UNC13C: variants seen among roughly 807,000 people sequenced by gnomAD.
UNC13C encodes the protein unc-13 homolog C.
Under a neutral mutation model 245.4 loss-of-function variants are expected in UNC13C, and 174 were observed. The observed-to-expected ratio is 0.71, with a 90% confidence interval of 0.63 to 0.80. The LOEUF is 0.80. UNC13C is among the 30% of genes least tolerant of loss of function. The pLI, the probability that UNC13C is intolerant of heterozygous loss-of-function variation, is 0.00. For missense variants in UNC13C, 2,829 were observed against 2,602.9 expected (o/e 1.09, Z -1.89); for synonymous variants, 992 against 895.1 (o/e 1.11, Z -1.93).
the UNC13C span, among the ~76,000 whole-genome samples, chr15:53,933,392 T>C: frequency 6.6e-6 from 1 of 152,260 alleles, no homozygotes; most frequent in East Asian, 1.9e-4. Context: ...TGTCAACATG[T>C]ATTACCACAC....
intron 24 of UNC13C, among the ~76,000 whole-genome samples, chr15:54,517,344 G>C (rs1895024601): frequency 6.6e-6 from 1 of 152,084 alleles, no homozygotes; most frequent in Non-Finnish European, 1.5e-5. Flanking sequence ...AATTTGAAAA[G>C]TTCTTCGTAT....
the UNC13C span, among the ~76,000 whole-genome samples, chr15:53,951,128 A>T: frequency 6.6e-6 from 1 of 152,216 alleles, no homozygotes; most frequent in Non-Finnish European, 1.5e-5. Flanking sequence ...ACTTTTAAAA[A>T]TGATGATTTA....
chr15:53,862,439 G>T, the UNC13C span, among the ~76,000 whole-genome samples: 261 of 152,128 alleles, frequency 1.7e-3, 2 homozygotes, highest in African/African-American at 6.1e-3. Flanking sequence ...CTAGAGCCTG[G>T]GGTCTGGAAA....
chr15:54,501,111 T>A (rs1029766631), intron 22 of UNC13C, 133 bp downstream of exon 22: 69 of 847,436 alleles, frequency 8.1e-5, no homozygotes, highest in Non-Finnish European at 1.0e-4. Flanking sequence ...TAAATTCAGT[T>A]GTTTCCAGGA....
chr15:54,033,561 C>G (rs1206415871), intron 2 of UNC13C, among the ~76,000 whole-genome samples: 1 of 152,130 alleles, frequency 6.6e-6, no homozygotes, highest in Admixed American at 6.5e-5. Flanking sequence ...CCCAAGGATT[C>G]TGATTCAGTG....
At chr15:54,339,363 A>G (rs760603563) in intron 17 of UNC13C, among the ~76,000 whole-genome samples, 84 of 152,204 alleles carry the variant, frequency 5.5e-4, no homozygotes, top group Middle Eastern at 3.4e-3. Context: ...CGGTGCACCC[A>G]TCACCCAAGC....
the UNC13C span, among the ~76,000 whole-genome samples, chr15:53,889,765 G>C: frequency 8.5e-5 from 13 of 152,156 alleles, no homozygotes; most frequent in African/African-American, 3.1e-4. Flanking sequence ...TAGCATGAAG[G>C]GTGTTGAATT....
At chr15:54,265,535 A>G in intron 10 of UNC13C, 39 bp downstream of exon 10, 1 of 1,384,268 alleles carries the variant, frequency 7.2e-7, no homozygotes, top group Non-Finnish European at 9.6e-7. Flanking sequence ...ATATTAAATT[A>G]TTTAACAATG....
chr15:54,016,056 T>C lies in UNC13C; in HGVS notation c.2983+170T>C, dbSNP rs548487389. ...TACTCAGGCAGCTCTCCTAAGAAGT[T>C]GGGCTTGATGATTTAAAATCAAAGA... is the stretch of plus-strand genomic sequence containing the variant. On this transcript the variant is annotated intron_variant, in intron 2 of 32. Coordinates refer to ENST00000260323, the MANE Select transcript of UNC13C (RefSeq NM_001080534.3). Among the ~76,000 whole-genome samples the C allele has an allele frequency of 5.9e-5, 9 of 152,328 alleles. No homozygotes were observed. The South Asian group carries it at 1.9e-3, about 32-fold the overall frequency.
intron 4 of UNC13C, among the ~76,000 whole-genome samples, chr15:54,188,274 G>C (rs919789080): frequency 5.9e-5 from 9 of 152,088 alleles, no homozygotes; most frequent in Admixed American, 5.2e-4. Context: ...GCGTAAAAAG[G>C]TACACACTGA....
chr15:54,208,744 C>T (rs1161336607), intron 4 of UNC13C, among the ~76,000 whole-genome samples: 2 of 152,042 alleles, frequency 1.3e-5, no homozygotes, highest in African/African-American at 4.8e-5. Flanking sequence ...ATATAAGTCT[C>T]ATTGAAAAGA....
intron 4 of UNC13C, among the ~76,000 whole-genome samples, chr15:54,158,935 C>T (rs774777720): frequency 1.3e-5 from 2 of 152,218 alleles, no homozygotes; most frequent in Non-Finnish European, 2.9e-5. Context: ...CAGGCATGAG[C>T]CATCACACCC....
At chr15:54,161,057 T>G (rs1259218416) in intron 4 of UNC13C, among the ~76,000 whole-genome samples, 2 of 152,180 alleles carry the variant, frequency 1.3e-5, no homozygotes, top group Non-Finnish European at 1.5e-5. Context: ...TGATCTACAA[T>G]GAGTGGATTG....
intron 2 of UNC13C, among the ~76,000 whole-genome samples, chr15:54,089,242 G>C (rs1446258454): frequency 2.6e-5 from 4 of 152,142 alleles, no homozygotes. Flanking sequence ...CTAAAAGCAA[G>C]GTATGCCTAG....
At chr15:54,482,462 C>T (rs1437087088) in intron 19 of UNC13C, among the ~76,000 whole-genome samples, 1 of 152,240 alleles carries the variant, frequency 6.6e-6, no homozygotes, top group Non-Finnish European at 1.5e-5. Context: ...AATGTAGGAG[C>T]GGGCGGTGGG....
At chr15:54,044,573 G>T (rs1377365991) in intron 2 of UNC13C, 2 of 171,998 alleles carry the variant, frequency 1.2e-5, no homozygotes, top group East Asian at 1.7e-4. Flanking sequence ...GGGGGGTGTG[G>T]GGGAGTTCCA....
intron 2 of UNC13C, among the ~76,000 whole-genome samples, chr15:54,047,048 A>G (rs1897068835): frequency 6.6e-6 from 1 of 152,090 alleles, no homozygotes; most frequent in Non-Finnish European, 1.5e-5. Context: ...GGGTTCACAT[A>G]AGATTTTCTA....
intron 4 of UNC13C, among the ~76,000 whole-genome samples, chr15:54,222,643 T>C (rs536375903): frequency 1.3e-4 from 20 of 151,980 alleles, no homozygotes; most frequent in Non-Finnish European, 2.4e-4. Context: ...GGTAGTTCTA[T>C]TTTCAGTTTT....
the UNC13C span, among the ~76,000 whole-genome samples, chr15:53,959,084 A>G: frequency 6.6e-6 from 1 of 152,144 alleles, no homozygotes; most frequent in African/African-American, 2.4e-5. Context: ...CACTAACATA[A>G]TCACCTCCAG....
Sources: gnomAD v4.1 joint callset for allele counts (sites outside exome capture counted in the v4.1 genomes callset) on GRCh38, gnomAD v4.1.1 for gene constraint, MANE v1.5 for transcripts, NCBI Gene and HGNC (gene_info 2026-07-23, HGNC 2026-07-21) for gene names.